The following ZNF644 variants were observed in gnomAD, a reference collection of about 807,000 sequenced individuals.
ZNF644 encodes the protein zinc finger motif enhancer binding protein 2.
ZNF644 carries 20 observed loss-of-function variants against 108.0 expected under a neutral mutation model. That is an observed-to-expected ratio of 0.19 (90% CI 0.13 to 0.27). The LOEUF (loss-of-function observed/expected upper bound fraction) is 0.27, where lower values mean the gene tolerates loss of function less well. Ranked by LOEUF, ZNF644 falls within the 10% of genes least tolerant of loss-of-function variation. The probability of loss-of-function intolerance (pLI) is 1.00; values close to 1 mark genes in which losing one functional copy is unlikely to be tolerated. For synonymous variants in ZNF644, 542 were observed against 539.1 expected (o/e 1.01, Z -0.08); for missense variants, 1,338 against 1,548.9 (o/e 0.86, Z 2.29).
chr1:90,995,426 G>GT (rs1658059443), intron 1 of ZNF644, among the ~76,000 whole-genome samples: 1 of 152,078 alleles, frequency 6.6e-6, no homozygotes, highest in South Asian at 2.1e-4. Flanking sequence ...CAACATATAT[G>GT]TAAGTCCCAA....
intron 1 of ZNF644, among the ~76,000 whole-genome samples, chr1:91,010,515 AT>A (rs1659863995): frequency 6.6e-6 from 1 of 151,484 alleles, no homozygotes; most frequent in South Asian, 2.1e-4. Flanking sequence ...GCATCCCAAA[AT>A]ATCTGTGCTT....
chr1:90,957,827 C>G (rs1037810033), intron 2 of ZNF644, among the ~76,000 whole-genome samples: 2 of 152,052 alleles, frequency 1.3e-5, no homozygotes, highest in Admixed American at 6.6e-5. Flanking sequence ...AAGAAGAAGT[C>G]AAACTATCTC....
intron 1 of ZNF644, among the ~76,000 whole-genome samples, chr1:91,017,899 T>C (rs1224972805): frequency 2.0e-5 from 3 of 151,792 alleles, no homozygotes; most frequent in South Asian, 4.2e-4. Context: ...GAGGCAGAGG[T>C]TGCAGTGAGC....
At chr1:90,965,894 CG>C (rs1343843807) in intron 2 of ZNF644, among the ~76,000 whole-genome samples, 2 of 152,070 alleles carry the variant, frequency 1.3e-5, no homozygotes, top group African/African-American at 4.8e-5. Context: ...GGATTACAGG[CG>C]CCAGCCACCA....
At chr1:91,007,122 C>T (rs1182731447) in intron 1 of ZNF644, among the ~76,000 whole-genome samples, 1 of 144,486 alleles carries the variant, frequency 6.9e-6, no homozygotes, top group African/African-American at 2.6e-5. Context: ...TGATGTGGTT[C>T]TTTTTTTTCA....
intron 1 of ZNF644, among the ~76,000 whole-genome samples, chr1:90,984,367 G>A (rs1045988506): frequency 1.3e-5 from 2 of 151,958 alleles, no homozygotes; most frequent in African/African-American, 4.8e-5. Flanking sequence ...TTATATTAGA[G>A]CGAGAGCCTT....
intron 5 of ZNF644, 77 bp from the exon 6 acceptor site, chr1:90,917,067 T>C (rs997254056): frequency 8.4e-6 from 12 of 1,429,412 alleles, no homozygotes; most frequent in South Asian, 1.2e-5. Flanking sequence ...TCCTAAAACA[T>C]AAGGAATAAA....
chr1:90,932,098 G>A (rs891489260), intron 4 of ZNF644, among the ~76,000 whole-genome samples: 14 of 152,178 alleles, frequency 9.2e-5, no homozygotes, highest in Non-Finnish European at 1.3e-4. Context: ...CAGTAAACAG[G>A]TATTTTGGGA....
At chr1:90,955,961 G>C (rs1570428654) in intron 2 of ZNF644, among the ~76,000 whole-genome samples, 1 of 152,176 alleles carries the variant, frequency 6.6e-6, no homozygotes, top group East Asian at 1.9e-4. Flanking sequence ...TTTAAAATGA[G>C]AGACATGTGA....
At chr1:90,963,954 C>T (rs1033036331) in intron 2 of ZNF644, among the ~76,000 whole-genome samples, 1 of 152,064 alleles carries the variant, frequency 6.6e-6, no homozygotes, top group African/African-American at 2.4e-5. Flanking sequence ...AGAGCACCAT[C>T]TTTTATAGCT....
chr1:90,963,765 G>C (rs1442560116), intron 2 of ZNF644, among the ~76,000 whole-genome samples: 2 of 152,042 alleles, frequency 1.3e-5, no homozygotes, highest in Non-Finnish European at 2.9e-5. Flanking sequence ...ACCTGGGAAA[G>C]AAAAAACAGG....
At chr1:91,021,747 C>G (rs549237169) in intron 1 of ZNF644, 328 of 305,618 alleles carry the variant, frequency 1.1e-3, no homozygotes, top group Non-Finnish European at 1.5e-3. Flanking sequence ...ACCCGGGGCC[C>G]GGGCTCCTTG....
intron 1 of ZNF644, among the ~76,000 whole-genome samples, chr1:91,016,807 T>C (rs1021059653): frequency 1.3e-5 from 2 of 152,236 alleles, no homozygotes; most frequent in South Asian, 4.1e-4. Flanking sequence ...TGGCTCAAAA[T>C]ATACTTACGT....
At chr1:90,947,679 A>G (rs1227014428) in intron 2 of ZNF644, among the ~76,000 whole-genome samples, 1 of 152,166 alleles carries the variant, frequency 6.6e-6, no homozygotes, top group East Asian at 1.9e-4. Flanking sequence ...GAGAGTGTTC[A>G]AAGTCCTAGG....
chr1:90,981,631 T>A (rs1343517370), intron 2 of ZNF644, among the ~76,000 whole-genome samples: 2 of 152,202 alleles, frequency 1.3e-5, no homozygotes, highest in Admixed American at 1.3e-4. Context: ...ATAGTAAATG[T>A]ATCTTTTTAA....
chr1:90,967,697 G>A (rs1367707509), intron 2 of ZNF644, among the ~76,000 whole-genome samples: 1 of 151,976 alleles, frequency 6.6e-6, no homozygotes, highest in Non-Finnish European at 1.5e-5. Flanking sequence ...GGTTTCATCA[G>A]ACACATTGCA....
chr1:90,933,477 C>T (rs1650968221), intron 4 of ZNF644, among the ~76,000 whole-genome samples: 1 of 152,068 alleles, frequency 6.6e-6, no homozygotes, highest in Non-Finnish European at 1.5e-5. Context: ...GCCTGTCCAA[C>T]ATGGTAAAAC....
chr1:90,917,561 G>A (rs145296411), intron 5 of ZNF644, among the ~76,000 whole-genome samples: 55 of 152,136 alleles, frequency 3.6e-4, no homozygotes, highest in Non-Finnish European at 6.0e-4. Flanking sequence ...GCAGTGGCAC[G>A]ATCTCGGCCC....
chr1:90,962,630 A>G (rs552755606), intron 2 of ZNF644, among the ~76,000 whole-genome samples: 15 of 152,108 alleles, frequency 9.9e-5, no homozygotes, highest in Non-Finnish European at 1.9e-4. Context: ...CACTAGTGAC[A>G]CCCTGGCTAG....
Sources: gnomAD v4.1 joint callset for allele counts (sites outside exome capture counted in the v4.1 genomes callset) on GRCh38, gnomAD v4.1.1 for gene constraint, MANE v1.5 for transcripts, NCBI Gene and HGNC (gene_info 2026-07-23, HGNC 2026-07-21) for gene names.